The following EPHB2 variants were observed in gnomAD, a reference collection of about 807,000 sequenced individuals.
The protein encoded by EPHB2 is EPH receptor B2.
In EPHB2, 18 loss-of-function variants were observed where a neutral mutation model predicts 96.4. The ratio of observed to expected loss-of-function variants is 0.19; its 90% CI spans 0.13 to 0.28. EPHB2 has a LOEUF of 0.28. EPHB2 is among the 10% of genes least tolerant of loss of function. The pLI is 1.00. For missense variants in EPHB2, 989 were observed against 1,355.4 expected (o/e 0.73, Z 4.25); for synonymous variants, 506 against 534.1 (o/e 0.95, Z 0.72).
intron 1 of EPHB2, among the ~76,000 whole-genome samples, chr1:22,723,325 CAG>C (rs1156416445): frequency 1.3e-5 from 2 of 152,232 alleles, no homozygotes; most frequent in East Asian, 3.9e-4. Context: ...GGCCATGGCC[CAG>C]GGAGTCTGTT....
In EPHB2 at chr1:22,777,683, C is replaced by A. The variant is rs185296993; in HGVS notation, c.62-3738C>A. Among the ~76,000 whole-genome samples the A allele has an allele frequency of 4.7e-3, 721 of 152,300 alleles. 9 individuals are homozygous for A. Among genetic ancestry groups the A allele is most frequent in the African/African-American group, 0.016 (677 of 41,538 alleles). On this transcript the variant is annotated intron_variant, in intron 1 of 15. Coordinates refer to ENST00000374630, the MANE Select transcript of EPHB2 (RefSeq NM_017449.5). ...GGGACGGGCTCCATGGAGGCTGTAG[C>A]CACGGAGCAAGAGACTGATGCTTGT...
intron 1 of EPHB2, among the ~76,000 whole-genome samples, chr1:22,739,048 C>CT (rs891738036): frequency 9.9e-5 from 15 of 151,930 alleles, no homozygotes; most frequent in Admixed American, 7.9e-4. Flanking sequence ...ATGTTGTGTA[C>CT]TTTTTTTTAG....
At chr1:22,817,412 C>T (rs1044083767) in intron 3 of EPHB2, among the ~76,000 whole-genome samples, 3 of 152,212 alleles carry the variant, frequency 2.0e-5, no homozygotes, top group South Asian at 2.1e-4. Context: ...GATTAGAACC[C>T]GCAGTTGCCT....
At chr1:22,767,407 C>T (rs190882913) in intron 1 of EPHB2, among the ~76,000 whole-genome samples, 1 of 152,346 alleles carries the variant, frequency 6.6e-6, no homozygotes, top group East Asian at 1.9e-4. Context: ...AAATCAAAGC[C>T]TGCCTCCCTC....
chr1:22,730,168 C>G (rs965570007), intron 1 of EPHB2, among the ~76,000 whole-genome samples: 30 of 152,220 alleles, frequency 2.0e-4, no homozygotes, highest in African/African-American at 6.5e-4. Context: ...GAGGAAGGTC[C>G]CACTGGTATT....
chr1:22,805,271 C>T lies in EPHB2; in HGVS notation c.811+20195C>T, dbSNP rs140310863. On this transcript the variant is annotated intron_variant, in intron 3 of 15. Coordinates refer to ENST00000374630, the MANE Select transcript of EPHB2 (RefSeq NM_017449.5). ...AAAGGGACAGAAGTGTGTCCTGGTT[C>T]GAGGTGACCCCATTTGTGTGTCTCT... 3.3e-4 allele frequency among the ~76,000 whole-genome samples: 51 copies of T among 152,266 alleles called. No individual in the cohort carries two copies. In the Middle Eastern group the frequency reaches 0.024, roughly 71 times the overall value.
At chr1:22,857,852 G>A (rs767081153) in intron 3 of EPHB2, among the ~76,000 whole-genome samples, 1 of 152,204 alleles carries the variant, frequency 6.6e-6, no homozygotes, top group African/African-American at 2.4e-5. Flanking sequence ...CCGGCCCGCG[G>A]CTCTGCTAGG....
intron 1 of EPHB2, among the ~76,000 whole-genome samples, chr1:22,746,067 T>C (rs1643970272): frequency 6.6e-6 from 1 of 152,150 alleles, no homozygotes; most frequent in South Asian, 2.1e-4. Context: ...AATCTGGTAA[T>C]GACTGAGTCC....
chr1:22,734,638 T>C (rs950778645), intron 1 of EPHB2, among the ~76,000 whole-genome samples: 1 of 152,088 alleles, frequency 6.6e-6, no homozygotes, highest in Non-Finnish European at 1.5e-5. Flanking sequence ...GCCAGGCTGG[T>C]CTCTAACTCC....
intron 1 of EPHB2, 26 bp downstream of exon 1, chr1:22,711,069 C>CGGGA (rs1388266111): frequency 6.8e-6 from 1 of 146,318 alleles, no homozygotes. Flanking sequence ...GGCGGGCGGG[C>CGGGA]GATGGGGGCG....
Position 22,832,616 on chromosome 1 carries a change from C to T in EPHB2, c.812-30421C>T, listed in dbSNP as rs115186509. Among the ~76,000 whole-genome samples the T allele has an allele frequency of 8.5e-3, 1,290 of 152,278 alleles. 15 individuals carry two copies. The highest frequency in any genetic ancestry group is 0.028 in the African/African-American group (1,160 of 41,552). On this transcript the variant is annotated intron_variant, in intron 3 of 15. Coordinates refer to ENST00000374630, the MANE Select transcript of EPHB2 (RefSeq NM_017449.5). ...TTCAGTCTGGGTGGTTGCTATTCCT[C>T]TGCCATGATTCACGTCAGATGCCTC...
intron 3 of EPHB2, among the ~76,000 whole-genome samples, chr1:22,801,555 G>A (rs540531442): frequency 6.6e-6 from 1 of 152,050 alleles, no homozygotes; most frequent in Admixed American, 6.5e-5. Flanking sequence ...CGCATTCCAA[G>A]AACGCTTCCT....
In EPHB2 at chr1:22,919,160, C is replaced by T. The variant is rs1030808354; in HGVS notation, c.*5590C>T. 1.3e-5 allele frequency: 2 copies of T among 152,282 alleles called. No individual in the cohort carries two copies. The allele number at this position is 152,282 out of a possible 1,614,324, so 9.4% of individuals were successfully genotyped here. A position where few individuals can be genotyped will look rare whatever the true frequency, so the allele number is the denominator to read the frequency against. Reference sequence around the variant, plus strand: ...ATTCCTCCAGACATGGAAATCCTCACTTGACTCTTCCCCCATAACAAACTG... The same window carrying T: ...ATTCCTCCAGACATGGAAATCCTCATTTGACTCTTCCCCCATAACAAACTG... On this transcript the variant is annotated 3_prime_UTR_variant, in exon 16 of 16. Transcript: ENST00000374630.
chr1:22,912,636 C>G, intron 15 of EPHB2, 37 bp downstream of exon 15: 1 of 1,610,610 alleles, frequency 6.2e-7, no homozygotes, highest in Non-Finnish European at 8.5e-7. Flanking sequence ...CACCTTAGCA[C>G]CCCCTCTCCA....
chr1:22,757,014 A>T (rs1644162074), intron 1 of EPHB2, among the ~76,000 whole-genome samples: 1 of 152,230 alleles, frequency 6.6e-6, no homozygotes, highest in African/African-American at 2.4e-5. Context: ...TTCTGGGGAA[A>T]GAGCTTTGAC....
At chr1:22,730,940 A>T (rs1169813040) in intron 1 of EPHB2, among the ~76,000 whole-genome samples, 1 of 151,948 alleles carries the variant, frequency 6.6e-6, no homozygotes, top group African/African-American at 2.4e-5. Flanking sequence ...CAGGCACGAG[A>T]CGGTGGTGGC....
chr1:22,740,689 TC>T (rs1316456021), intron 1 of EPHB2, among the ~76,000 whole-genome samples: 4 of 152,034 alleles, frequency 2.6e-5, no homozygotes, highest in African/African-American at 9.7e-5. Context: ...CTTTCAAACC[TC>T]CCTGCCTTTA....
rs537751660 is a variant in EPHB2, at chr1:22,879,971, C to G, written c.1304-2388C>G. ...TGCTGCCACCTCATCTGGAGTGTCT[C>G]GGGACAATTTTCCATAGCTCCTTGG... On this transcript the variant is annotated intron_variant, in intron 5 of 15. Coordinates refer to ENST00000374630, the MANE Select transcript of EPHB2 (RefSeq NM_017449.5). Among the ~76,000 whole-genome samples the G allele has an allele frequency of 3.7e-4, 56 of 152,222 alleles. No homozygotes were observed. The South Asian group carries it at 0.012, about 32-fold the overall frequency.
chr1:22,902,611 C>T (rs554498589), intron 9 of EPHB2, among the ~76,000 whole-genome samples: 2 of 152,306 alleles, frequency 1.3e-5, no homozygotes, highest in South Asian at 4.1e-4. Flanking sequence ...GTTCAATAAG[C>T]ACTTTTTACT....
Sources: allele counts gnomAD v4.1 joint callset (sites outside exome capture counted in the v4.1 genomes callset), GRCh38; gene constraint gnomAD v4.1.1; transcripts MANE v1.5; gene names NCBI Gene and HGNC (gene_info 2026-07-23, HGNC 2026-07-21).